The following COL11A1 variants were observed in gnomAD, a reference collection of about 807,000 sequenced individuals.
COL11A1 encodes the protein collagen alpha-1(XI) chain.
COL11A1 carries 74 observed loss-of-function variants against 265.2 expected under a neutral mutation model. That is an observed-to-expected ratio of 0.28 (90% CI 0.23 to 0.34). The LOEUF is 0.34. COL11A1 is among the 10% of genes least tolerant of loss of function. The probability of loss-of-function intolerance (pLI) is 1.00; values close to 1 mark genes in which losing one functional copy is unlikely to be tolerated. For missense variants in COL11A1, 2,165 were observed against 2,263.6 expected (o/e 0.96, Z 0.88); for synonymous variants, 816 against 727.6 (o/e 1.12, Z -1.96).
chr1:103,003,275 G>A lies in COL11A1; in HGVS notation c.1945-7C>T, dbSNP rs201424786. On this transcript the variant is annotated splice_region_variant and splice_polypyrimidine_tract_variant and intron_variant, in intron 20 of 66. Coordinates refer to ENST00000370096, the MANE Select transcript of COL11A1 (RefSeq NM_001854.4). ...CCAGCAAACCTCGTGGGCCCTAGGA[G>A]AAAAAGAAAAAGCACGCCTTTATTA... 16 of 1,609,372 alleles carry A rather than the reference G, an allele frequency of 9.9e-6. No homozygotes were observed. The African/African-American group carries it at 1.8e-4, about 18-fold the overall frequency.
Position 103,099,365 on chromosome 1 carries a change from ACTTT to A in COL11A1, c.106+8704_106+8707del, listed in dbSNP as rs1304050786. Among the ~76,000 whole-genome samples the A allele has an allele frequency of 3.0e-4, 45 of 151,326 alleles. No homozygotes were observed. The Admixed American group carries it at 3.0e-3, about 10-fold the overall frequency. On this transcript the variant is annotated intron_variant, in intron 1 of 66. Coordinates refer to ENST00000370096, the MANE Select transcript of COL11A1 (RefSeq NM_001854.4). ...CCAATATACATAAAACATATAATTT[ACTTT>A]CTAACTTGAAGAATGAGTTTATTGA...
intron 4 of COL11A1, among the ~76,000 whole-genome samples, chr1:103,058,964 T>A (rs1670446830): frequency 6.6e-6 from 1 of 152,094 alleles, no homozygotes; most frequent in South Asian, 2.1e-4. Flanking sequence ...CTTATAATAA[T>A]AATAAAAAGT....
At chr1:103,070,541 G>T (rs1158638071) in intron 4 of COL11A1, among the ~76,000 whole-genome samples, 1 of 151,822 alleles carries the variant, frequency 6.6e-6, no homozygotes, top group Non-Finnish European at 1.5e-5. Flanking sequence ...ATTGTCTGGG[G>T]TTAGGATGGA....
rs182403260 is a variant in COL11A1, at chr1:102,988,061, C to T, written c.2395-321G>A. On this transcript the variant is annotated intron_variant, in intron 29 of 66. Coordinates refer to ENST00000370096, the MANE Select transcript of COL11A1 (RefSeq NM_001854.4). ...AGTAAAAAATTACCAGCCATTGTTC[C>T]GAAAGTTACAATGTTTATAACTTCC... Among the ~76,000 whole-genome samples, 129 of 152,138 alleles carry T rather than the reference C, an allele frequency of 8.5e-4. 1 individual carries two copies. Among genetic ancestry groups the T allele is most frequent in the Non-Finnish European group, 1.2e-3 (80 of 68,006 alleles).
chr1:102,977,846 G>A (rs1418339380), intron 35 of COL11A1, among the ~76,000 whole-genome samples: 1 of 152,024 alleles, frequency 6.6e-6, no homozygotes, highest in Non-Finnish European at 1.5e-5. Flanking sequence ...GTTTATTCTT[G>A]TGTGTTATCT....
chr1:102,921,639 T>C, intron 47 of COL11A1, 68 bp from the exon 48 acceptor site: 1 of 1,319,052 alleles, frequency 7.6e-7, no homozygotes, highest in Non-Finnish European at 1.1e-6. Flanking sequence ...TTTCATTTTA[T>C]GACTGAAAAA....
chr1:102,928,601 T>C (rs977709272), intron 46 of COL11A1, among the ~76,000 whole-genome samples: 2 of 152,156 alleles, frequency 1.3e-5, no homozygotes, highest in African/African-American at 2.4e-5. Flanking sequence ...ATCCTTTGCA[T>C]ATATACCCAG....
intron 1 of COL11A1, among the ~76,000 whole-genome samples, chr1:103,096,860 C>T (rs1303529522): frequency 6.6e-6 from 1 of 151,976 alleles, no homozygotes; most frequent in Non-Finnish European, 1.5e-5. Context: ...ATAACAAGAA[C>T]AGTCACATAA....
intron 36 of COL11A1, among the ~76,000 whole-genome samples, chr1:102,971,102 A>G (rs1661942249): frequency 6.6e-6 from 1 of 152,136 alleles, no homozygotes; most frequent in African/African-American, 2.4e-5. Context: ...TTTTCAAGTA[A>G]AGGAAACAAT....
chr1:102,941,212 A>G (rs1231482255), intron 42 of COL11A1, among the ~76,000 whole-genome samples: 1 of 152,092 alleles, frequency 6.6e-6, no homozygotes, highest in Non-Finnish European at 1.5e-5. Flanking sequence ...ACTTAGTTTT[A>G]GACATTTTAT....
chr1:102,929,525 T>C (rs748146395), intron 46 of COL11A1, among the ~76,000 whole-genome samples: 31 of 152,212 alleles, frequency 2.0e-4, no homozygotes, highest in Non-Finnish European at 4.0e-4. Flanking sequence ...TCAGGTAGTG[T>C]AATGCCTCCA....
chr1:103,024,338 C>T (rs1175788963), intron 7 of COL11A1, among the ~76,000 whole-genome samples: 2 of 152,070 alleles, frequency 1.3e-5, no homozygotes, highest in African/African-American at 4.8e-5. Context: ...TATTGTATTG[C>T]CTAGGCTTAT....
intron 54 of COL11A1, among the ~76,000 whole-genome samples, chr1:102,910,468 C>T (rs1654520400): frequency 6.6e-6 from 1 of 152,154 alleles, no homozygotes; most frequent in Admixed American, 6.6e-5. Flanking sequence ...TGAGAAGCTG[C>T]CAATATGTAA....
At chr1:102,935,219 T>G in intron 44 of COL11A1, 106 bp from the exon 45 acceptor site, 1 of 853,516 alleles carries the variant, frequency 1.2e-6, no homozygotes, top group South Asian at 1.5e-5. Flanking sequence ...CTGCACTCCT[T>G]TGGAAAAAAA....
chr1:103,078,699 T>C lies in COL11A1; in HGVS notation c.447A>G (p.Glu149=). 6.2e-7 allele frequency: 1 copy of C among 1,613,504 alleles called. No homozygotes were observed. Among genetic ancestry groups the C allele is most frequent in the Non-Finnish European group, 8.5e-7 (1 of 1,179,616 alleles). Residue 149 remains glutamate (E), a synonymous_variant, in exon 3 of 67, where the codon GAA becomes GAG. Transcript: ENST00000370096. ...FEDHTGKPAP[E]DYPLFRTVNI... ...TAACAGTTCTGAAGAGGGGATAGTCTTCTGGGGCAGGTTTTCCAGTGTGGT... is the reference window on the plus strand; with the variant it reads ...TAACAGTTCTGAAGAGGGGATAGTCCTCTGGGGCAGGTTTTCCAGTGTGGT...
At chr1:103,018,730 G>C (rs1230672798) in intron 10 of COL11A1, 88 bp downstream of exon 10, 1 of 1,044,472 alleles carries the variant, frequency 9.6e-7, no homozygotes, top group African/African-American at 1.6e-5. Flanking sequence ...ATTCTAATTA[G>C]TCTAAAATGT....
chr1:103,095,359 C>T (rs1673669117), intron 1 of COL11A1, among the ~76,000 whole-genome samples: 2 of 151,548 alleles, frequency 1.3e-5, no homozygotes, highest in South Asian at 4.2e-4. Flanking sequence ...TTGATTAGTA[C>T]TAAGGAAAAA....
chr1:103,094,431 T>C (rs1673577526), intron 1 of COL11A1, among the ~76,000 whole-genome samples: 1 of 152,060 alleles, frequency 6.6e-6, no homozygotes, highest in Non-Finnish European at 1.5e-5. Context: ...GGAGGAAGGA[T>C]TGGTACCATA....
intron 6 of COL11A1, 42 bp from the exon 7 acceptor site, chr1:103,025,655 G>T (rs780583169): frequency 9.5e-6 from 15 of 1,575,852 alleles, no homozygotes; most frequent in Non-Finnish European, 1.1e-5. Flanking sequence ...CATGTAAGGT[G>T]ATCCCAAATG....
Sources: gnomAD v4.1 joint callset for allele counts (sites outside exome capture counted in the v4.1 genomes callset) on GRCh38, gnomAD v4.1.1 for gene constraint, MANE v1.5 for transcripts, NCBI Gene and HGNC (gene_info 2026-07-23, HGNC 2026-07-21) for gene names.